SDHAF3: variants seen among roughly 807,000 people sequenced by gnomAD.
The protein encoded by SDHAF3 is succinate dehydrogenase assembly factor 3, mitochondrial.
Under a neutral mutation model 11.5 loss-of-function variants are expected in SDHAF3, and 18 were observed. The ratio of observed to expected loss-of-function variants is 1.56; its 90% CI spans 1.08 to 2.32. The LOEUF is 2.32. SDHAF3 is among the 30% of genes most tolerant of loss of function. The probability of loss-of-function intolerance (pLI) is 0.00; values close to 1 mark genes in which losing one functional copy is unlikely to be tolerated. For synonymous variants in SDHAF3, 72 were observed against 59.3 expected, an observed-to-expected ratio of 1.21 and a Z score of -0.99; for missense variants, 200 against 154.4, an observed-to-expected ratio of 1.30 and a Z score of -1.57.
intron 1 of SDHAF3, among the ~76,000 whole-genome samples, chr7:97,127,651 A>G (rs1420531014): frequency 6.6e-6 from 1 of 152,054 alleles, no homozygotes; most frequent in African/African-American, 2.4e-5. Context: ...TCTCTTACCT[A>G]ATTTGTGGAC....
rs144400259 is a variant in SDHAF3 at position 97,130,977 on chromosome 7, C to T, written c.174+13080C>T. 1.9e-3 allele frequency among the ~76,000 whole-genome samples: 292 copies of T among 152,266 alleles called. 2 individuals carry two copies. Among genetic ancestry groups the T allele is most frequent in the Non-Finnish European group, 1.8e-3 (123 of 68,026 alleles). On this transcript the variant is annotated intron_variant, in intron 1 of 1. Transcript: ENST00000432641. ...TGGACTTTGCCAGGAACTGGCAGCT[C>T]GGTTTTCAGGCTCCAGGCTGTTTTT... is the stretch of plus-strand genomic sequence containing the variant.
intron 1 of SDHAF3, among the ~76,000 whole-genome samples, chr7:97,159,348 G>A (rs1304457918): frequency 6.6e-6 from 1 of 152,150 alleles, no homozygotes; most frequent in African/African-American, 2.4e-5. Flanking sequence ...AAATATGTGG[G>A]TGCTTTTCAA....
intron 1 of SDHAF3, among the ~76,000 whole-genome samples, chr7:97,131,584 C>G (rs1449195828): frequency 1.3e-5 from 2 of 152,118 alleles, no homozygotes; most frequent in African/African-American, 2.4e-5. Flanking sequence ...TAGGGATGGA[C>G]CAAAAGTTCC....
At chr7:97,118,004 T>G (rs1439962447) in intron 1 of SDHAF3, 107 bp downstream of exon 1, 1 of 1,342,384 alleles carries the variant, frequency 7.4e-7, no homozygotes, top group Non-Finnish European at 1.0e-6. Context: ...CAACCTGTTC[T>G]GTTTGAAATA....
intron 1 of SDHAF3, among the ~76,000 whole-genome samples, chr7:97,164,009 G>A (rs186908603): frequency 4.0e-4 from 61 of 151,336 alleles, no homozygotes; most frequent in African/African-American, 1.3e-3. Context: ...ATGCAGTGGC[G>A]CGATCGCAGG....
chr7:97,143,894 C>T (rs1680773298), intron 1 of SDHAF3, among the ~76,000 whole-genome samples: 1 of 152,166 alleles, frequency 6.6e-6, no homozygotes, highest in South Asian at 2.1e-4. Flanking sequence ...ACTTTTAATT[C>T]TTTAAGGAAT....
At chr7:97,143,665 C>CTGTGTGTGTGTG (rs3029495) in intron 1 of SDHAF3, among the ~76,000 whole-genome samples, 190 of 148,048 alleles carry the variant, frequency 1.3e-3, no homozygotes, top group African/African-American at 4.4e-3. Context: ...TAGTGTTCCA[C>CTGTGTGTGTGTG]TGTGTGTGTG....
chr7:97,129,352 C>G (rs141976240), intron 1 of SDHAF3, among the ~76,000 whole-genome samples: 2 of 152,130 alleles, frequency 1.3e-5, no homozygotes, highest in South Asian at 4.1e-4. Context: ...TGTTTGTATT[C>G]GGAACTGTGG....
chr7:97,150,641 G>A (rs1408293926), intron 1 of SDHAF3, among the ~76,000 whole-genome samples: 4 of 143,082 alleles, frequency 2.8e-5, no homozygotes, highest in Non-Finnish European at 6.0e-5. Flanking sequence ...TCAGCTCACT[G>A]TAAGCTCTGC....
At chr7:97,132,642 T>C (rs912248348) in intron 1 of SDHAF3, among the ~76,000 whole-genome samples, 1 of 152,236 alleles carries the variant, frequency 6.6e-6, no homozygotes, top group African/African-American at 2.4e-5. Context: ...TTTTACCTTT[T>C]TCCCCTATGT....
intron 1 of SDHAF3, among the ~76,000 whole-genome samples, chr7:97,159,520 G>A (rs1375776116): frequency 6.6e-6 from 1 of 152,192 alleles, no homozygotes; most frequent in Non-Finnish European, 1.5e-5. Context: ...AGCACAGGGA[G>A]AGTTCTAAGT....
chr7:97,163,504 G>A (rs1225481427), intron 1 of SDHAF3, among the ~76,000 whole-genome samples: 1 of 152,100 alleles, frequency 6.6e-6, no homozygotes, highest in Non-Finnish European at 1.5e-5. Flanking sequence ...CATTTCCTTG[G>A]TAAATATTCT....
intron 1 of SDHAF3, among the ~76,000 whole-genome samples, chr7:97,156,157 G>C (rs551697771): frequency 6.6e-6 from 1 of 152,118 alleles, no homozygotes; most frequent in Non-Finnish European, 1.5e-5. Context: ...ATATTTAGTT[G>C]TCATGTCACC....
intron 1 of SDHAF3, among the ~76,000 whole-genome samples, chr7:97,138,728 G>T (rs907083135): frequency 6.6e-6 from 1 of 152,168 alleles, no homozygotes; most frequent in East Asian, 1.9e-4. Context: ...CATAATAGTT[G>T]TCCAGTGCCT....
chr7:97,160,557 G>T (rs1165202994), intron 1 of SDHAF3, among the ~76,000 whole-genome samples: 1 of 152,190 alleles, frequency 6.6e-6, no homozygotes, highest in Non-Finnish European at 1.5e-5. Context: ...TCTGTACTAA[G>T]AAAAATTCTT....
intron 1 of SDHAF3, among the ~76,000 whole-genome samples, chr7:97,149,950 A>G (rs1287417246): frequency 6.6e-6 from 1 of 152,178 alleles, no homozygotes; most frequent in African/African-American, 2.4e-5. Flanking sequence ...AATTAAGTTT[A>G]TGTAATATTC....
At chr7:97,170,774 G>C (rs1377356859) in intron 1 of SDHAF3, among the ~76,000 whole-genome samples, 1 of 152,030 alleles carries the variant, frequency 6.6e-6, no homozygotes, top group Non-Finnish European at 1.5e-5. Flanking sequence ...TGGGGAATTT[G>C]ACTTCACAGA....
At chr7:97,157,736 G>A (rs1168242054) in intron 1 of SDHAF3, among the ~76,000 whole-genome samples, 1 of 152,080 alleles carries the variant, frequency 6.6e-6, no homozygotes, top group East Asian at 1.9e-4. Flanking sequence ...AACAATGATA[G>A]ACTGGATTAA....
chr7:97,136,812 A>G (rs1009575312), intron 1 of SDHAF3, among the ~76,000 whole-genome samples: 5 of 152,208 alleles, frequency 3.3e-5, no homozygotes, highest in African/African-American at 1.2e-4. Flanking sequence ...ATATCCAGCA[A>G]TTTATTGCTC....
Sources: allele counts gnomAD v4.1 joint callset (sites outside exome capture counted in the v4.1 genomes callset), GRCh38; gene constraint gnomAD v4.1.1; transcripts MANE v1.5; gene names NCBI Gene and HGNC (gene_info 2026-07-23, HGNC 2026-07-21).